Variants in TTBK1 observed in about 807,000 individuals in gnomAD.
TTBK1 encodes tau tubulin kinase 1.
In TTBK1, 34 loss-of-function variants were observed where a neutral mutation model predicts 108.5. That is an observed-to-expected ratio of 0.31 (90% CI 0.24 to 0.42). The LOEUF is 0.42. TTBK1 is among the 10% of genes least tolerant of loss of function. The probability of loss-of-function intolerance (pLI) is 1.00; values close to 1 mark genes in which losing one functional copy is unlikely to be tolerated. For missense variants in TTBK1, 1,539 were observed against 1,826.0 expected, an observed-to-expected ratio of 0.84 and a Z score of 2.86; for synonymous variants, 809 against 795.1, an observed-to-expected ratio of 1.02 and a Z score of -0.29.
chr6:43,253,225 C>CT lies in TTBK1; in HGVS notation c.257-66_257-65insT. On this transcript the variant is annotated intron_variant, in intron 3 of 14. Coordinates refer to ENST00000259750, the MANE Select transcript of TTBK1 (RefSeq NM_032538.3). The surrounding 1 kb of genome is among the most constrained non-coding windows in gnomAD (Gnocchi z 5.8). ...CAGGAATCAAGAGTGCACTAGGAACCCATCTTAGGGTTGGAAATGAGGAAG... is the reference window on the plus strand; with the variant it reads ...CAGGAATCAAGAGTGCACTAGGAACCTCATCTTAGGGTTGGAAATGAGGAAG... 6.4e-7 allele frequency: 1 copy of CT among 1,562,340 alleles called. No individual in the cohort carries two copies.
rs1197372478 is a variant in TTBK1, at chr6:43,252,804, G to C, written c.174G>C (p.Glu58Asp). 6.2e-7 allele frequency: 1 copy of C among 1,613,982 alleles called. No homozygotes were observed. The highest frequency in any genetic ancestry group is 1.7e-5 in the Admixed American group (1 of 60,020). ...IYEAMDLLTR[E>D]NVALKVESAQ... The stretch of plus-strand genomic sequence containing the variant: ...AGGCCATGGACCTGCTGACCAGGGA[G>C]AATGTGGCCCTCAAGGTGGAGTCAG... The change falls in exon 3 of 15, where the codon GAG becomes GAC. Residue 58 changes from glutamate (E) to aspartate (D), a missense_variant. Transcript: ENST00000259750.
Position 43,257,769 on chromosome 6 carries a change from C to T in TTBK1, c.862-43C>T, listed in dbSNP as rs751481778. ...ACTGCCCCTTCCTCCTGGCTAGCCC[C>T]CGGATCACCTCTCTGTCCTCCCATC... On this transcript the variant is annotated intron_variant, in intron 9 of 14. Coordinates refer to ENST00000259750, the MANE Select transcript of TTBK1 (RefSeq NM_032538.3). The surrounding 1 kb of genome is among the most constrained non-coding windows in gnomAD (Gnocchi z 4.5). 1.2e-5 allele frequency: 19 copies of T among 1,581,816 alleles called. No homozygotes were observed. The highest frequency in any genetic ancestry group is 1.7e-5 in the Admixed American group (1 of 58,270).
In TTBK1 at chr6:43,288,089, G is replaced by A; in HGVS notation, c.*2713G>A. 1 of 152,780 alleles carries A rather than the reference G, an allele frequency of 6.5e-6. No individual in the cohort carries two copies. The highest frequency in any genetic ancestry group is 1.5e-5 in the Non-Finnish European group (1 of 68,082). 9.5% of individuals were successfully genotyped at this position (152,780 alleles called of 1,614,324 possible). On this transcript the variant is annotated 3_prime_UTR_variant, in exon 15 of 15. Transcript: ENST00000259750. This position sits in a 1 kb window ranked among gnomAD's most constrained non-coding sequence, Gnocchi z 4.4. Reference sequence around the variant, plus strand: ...GGAAGCCACCTAAGAATGTTTACATGCCAAACAGAATGTAACACCCCTCCC... The same window carrying A: ...GGAAGCCACCTAAGAATGTTTACATACCAAACAGAATGTAACACCCCTCCC...
rs369559167 is a variant in TTBK1, at chr6:43,269,773, C to T, written c.1986+6423C>T. ...CCTCACCCCGGCGGCGGCGGCTCCT[C>T]GGGCTCCTCCGGTTCCCTCATTCAG... On this transcript the variant is annotated intron_variant, in intron 13 of 14. Coordinates refer to ENST00000259750, the MANE Select transcript of TTBK1 (RefSeq NM_032538.3). The surrounding 1 kb of genome is among the most constrained non-coding windows in gnomAD (Gnocchi z 4.8). The T allele has an allele frequency of 9.5e-6, 15 of 1,583,708 alleles. No homozygotes were observed. In the South Asian group the frequency reaches 1.0e-4, roughly 11 times the overall value.
chr6:43,251,570 G>A (rs997659615), intron 2 of TTBK1, among the ~76,000 whole-genome samples: 16 of 152,128 alleles, frequency 1.1e-4, no homozygotes, highest in Admixed American at 5.9e-4. Context: ...CAGGACCCCC[G>A]GGCCTCTGAG....
rs1367292436 is a variant in TTBK1, at chr6:43,283,991, G to T, written c.3251G>T (p.Arg1084Leu). 1 of 1,603,982 alleles carries T rather than the reference G, an allele frequency of 6.2e-7. No individual in the cohort carries two copies. Among genetic ancestry groups the T allele is most frequent in the Non-Finnish European group, 8.5e-7 (1 of 1,175,278 alleles). Residue 1084 changes from arginine (R) to leucine (L), a missense_variant, in exon 14 of 15, where the codon CGG becomes CTG. Physicochemically the swap from Arg to Leu is moderately radical, Grantham distance 102. Around this residue, in one of 5 missense-constraint regions of TTBK1, gnomAD observed 1,055 missense variants for 1,086.5 expected, o/e 0.97. Transcript: ENST00000259750. This position sits in a 1 kb window ranked among gnomAD's most constrained non-coding sequence, Gnocchi z 8.1. ...AAAGAGCGGTGGAGCAAGCGGGCTC[G>T]GCCGCAGCAGGACCTGGCGCGGCTG... ...SAKERWSKRARPQQDLARLVM... is the reference protein window; with the variant it reads ...SAKERWSKRALPQQDLARLVM...
intron 12 of TTBK1, among the ~76,000 whole-genome samples, chr6:43,262,110 T>C (rs185843643): frequency 2.2e-3 from 335 of 152,076 alleles, no homozygotes; most frequent in South Asian, 6.9e-3. Context: ...AGAGGCTACA[T>C]TGGGGGTGGG....
At chr6:43,248,717 C>T (rs1777163423) in intron 2 of TTBK1, among the ~76,000 whole-genome samples, 1 of 152,048 alleles carries the variant, frequency 6.6e-6, no homozygotes, top group African/African-American at 2.4e-5. Flanking sequence ...AGCAAGACTC[C>T]TCCTCTAAAT....
rs778354446 is a variant in TTBK1, at chr6:43,283,527, C to T, written c.2787C>T (p.Thr929=). The part of the protein sequence containing the change: ...TSSPFTKVER[T]FVHIAEKTHL... ...CACCCTTCACCAAAGTTGAGAGGAC[C>T]TTTGTGCACATTGCGGAGAAAACCC... Residue 929 remains threonine, a synonymous_variant, in exon 14 of 15, where the codon ACC becomes ACT. Transcript: ENST00000259750. The surrounding 1 kb of genome is among the most constrained non-coding windows in gnomAD (Gnocchi z 8.1). The T allele has an allele frequency of 6.2e-7, 1 of 1,614,144 alleles. No individual in the cohort carries two copies. The highest frequency in any genetic ancestry group is 1.1e-5 in the South Asian group (1 of 91,086).
rs1382560724 is a variant in TTBK1, at chr6:43,273,638, A to C, written c.1987-9089A>C. On this transcript the variant is annotated intron_variant, in intron 13 of 14. Transcript: ENST00000259750. The surrounding 1 kb of genome is among the most constrained non-coding windows in gnomAD (Gnocchi z 4.2). ...ACCAACTCGTACATCAACAAGATCC[A>C]AACAGTGTCAGGGAAGTGGCAGGTT... is the stretch of plus-strand genomic sequence containing the variant. 6.6e-6 allele frequency among the ~76,000 whole-genome samples: 1 copy of C among 152,198 alleles called. No individual in the cohort carries two copies. The highest frequency in any genetic ancestry group is 1.5e-5 in the Non-Finnish European group (1 of 68,038).
intron 12 of TTBK1, among the ~76,000 whole-genome samples, chr6:43,260,560 G>A (rs1021400341): frequency 6.6e-6 from 1 of 152,190 alleles, no homozygotes; most frequent in African/African-American, 2.4e-5. Flanking sequence ...GTTGGCTTAC[G>A]TAGGACTGAA....
At chr6:43,274,171 G>T (rs970452032) in intron 13 of TTBK1, among the ~76,000 whole-genome samples, 7 of 152,152 alleles carry the variant, frequency 4.6e-5, no homozygotes, top group African/African-American at 1.4e-4. Context: ...CACACTCAAG[G>T]CAGCTTGGGT....
chr6:43,247,500 G>T (rs938026187), intron 2 of TTBK1, among the ~76,000 whole-genome samples: 1 of 152,120 alleles, frequency 6.6e-6, no homozygotes, highest in African/African-American at 2.4e-5. Flanking sequence ...TCTTATTATT[G>T]TGGGGGCAGG....
intron 1 of TTBK1, among the ~76,000 whole-genome samples, chr6:43,245,564 CAT>C (rs1777063502): frequency 6.6e-6 from 1 of 152,144 alleles, no homozygotes; most frequent in South Asian, 2.1e-4. Flanking sequence ...CACAAAGAAA[CAT>C]ACACACACAG....
chr6:43,284,807 G>A (rs1313053968), intron 14 of TTBK1, among the ~76,000 whole-genome samples, 176 bp from the exon 15 acceptor site: 21 of 152,194 alleles, frequency 1.4e-4, no homozygotes, highest in Admixed American at 1.4e-3. Context: ...GCCCCTCGAG[G>A]TCCTGCCCTG....
chr6:43,276,805 C>G lies in TTBK1; in HGVS notation c.1987-5922C>G, dbSNP rs1778012627. Among the ~76,000 whole-genome samples, 1 of 151,944 alleles carries G rather than the reference C, an allele frequency of 6.6e-6. No homozygotes were observed. The highest frequency in any genetic ancestry group is 2.1e-4 in the South Asian group (1 of 4,812). On this transcript the variant is annotated intron_variant, in intron 13 of 14. Transcript: ENST00000259750. The surrounding 1 kb of genome is among the most constrained non-coding windows in gnomAD (Gnocchi z 5.4). ...TCTGGGACTGAGGGGTGGGCAAGTT[C>G]TGGGTCAGTGGATGAGCTTCGTCCA...
At position 43,246,674 on chromosome 6, in the gene TTBK1, C is replaced by T; in HGVS notation, c.14C>T (p.Ala5Val). The part of the protein sequence containing the change: MQCL[A>V]AALKDETNMS... ...TCTGGCTGGCGGATGCAGTGCCTAGCGGCCGCCCTTAAGGACGAAACCAAC... is the reference window on the plus strand; with the variant it reads ...TCTGGCTGGCGGATGCAGTGCCTAGTGGCCGCCCTTAAGGACGAAACCAAC... Residue 5 changes from alanine to valine, a missense_variant, in exon 2 of 15, where the codon GCG becomes GTG. Around this residue, in one of 5 missense-constraint regions of TTBK1, gnomAD observed 45 missense variants for 38.0 expected, o/e 1.19. Transcript: ENST00000259750. 6.2e-7 allele frequency: 1 copy of T among 1,606,524 alleles called. No homozygotes were observed. Among genetic ancestry groups the T allele is most frequent in the Non-Finnish European group, 8.5e-7 (1 of 1,176,356 alleles).
Position 43,285,443 on chromosome 6 carries a change from G to T in TTBK1, c.*67G>T. 2.4e-6 allele frequency: 3 copies of T among 1,244,420 alleles called. No individual in the cohort carries two copies. The highest frequency in any genetic ancestry group is 3.0e-6 in the Non-Finnish European group (3 of 997,266). The allele number at this position is 1,244,420 out of a possible 1,614,324, so 77.1% of individuals were successfully genotyped here. A position where few individuals can be genotyped will look rare whatever the true frequency, so the allele number is the denominator to read the frequency against. ...CCCCCCACCCGCAGCCGGCCACACT[G>T]GAGCAGCTCCCAGCACAGCCTTACG... On this transcript the variant is annotated 3_prime_UTR_variant, in exon 15 of 15. Coordinates refer to ENST00000259750, the MANE Select transcript of TTBK1 (RefSeq NM_032538.3). The surrounding 1 kb of genome is among the most constrained non-coding windows in gnomAD (Gnocchi z 4.7).
intron 13 of TTBK1, among the ~76,000 whole-genome samples, chr6:43,278,670 C>T (rs2651193): frequency 6.6e-6 from 1 of 152,052 alleles, no homozygotes; most frequent in South Asian, 2.1e-4. Context: ...TAAAGAGCCA[C>T]GCACACTGAC....
Sources: allele counts gnomAD v4.1 joint callset (sites outside exome capture counted in the v4.1 genomes callset), GRCh38; gene constraint gnomAD v4.1.1; regional missense constraint gnomAD v4.1.1; non-coding constraint Gnocchi (gnomAD v3.1); transcripts MANE v1.5; gene names NCBI Gene and HGNC (gene_info 2026-07-23, HGNC 2026-07-21).